Variants in OSBPL2 observed in about 807,000 individuals in gnomAD.
OSBPL2 encodes oxysterol binding protein like 2, also known as oxysterol-binding protein-related protein 2.
OSBPL2 carries 18 observed loss-of-function variants against 58.4 expected under a neutral mutation model. The ratio of observed to expected loss-of-function variants is 0.31; its 90% CI spans 0.21 to 0.46. OSBPL2 has a LOEUF of 0.46. Among genes scored for constraint, OSBPL2 ranks in the 20% least tolerant of loss-of-function variants. The pLI, the probability that OSBPL2 is intolerant of heterozygous loss-of-function variation, is 1.00. For missense variants in OSBPL2, 461 were observed against 616.5 expected (o/e 0.75, Z 2.67); for synonymous variants, 221 against 234.1 (o/e 0.94, Z 0.51).
chr20:62,281,228 A>G, intron 8 of OSBPL2, 63 bp downstream of exon 8: 3 of 1,203,874 alleles, frequency 2.5e-6, no homozygotes, highest in Non-Finnish European at 3.7e-6. Context: ...CGAGCCGGGG[A>G]GCGTGAGCAT....
chr20:62,292,606 A>T (rs1983591985), intron 13 of OSBPL2, among the ~76,000 whole-genome samples: 1 of 152,264 alleles, frequency 6.6e-6, no homozygotes, highest in African/African-American at 2.4e-5. Context: ...AGTATAATTT[A>T]AAAATGTATT....
chr20:62,252,536 C>T (rs1283245225), intron 1 of OSBPL2, among the ~76,000 whole-genome samples: 1 of 152,172 alleles, frequency 6.6e-6, no homozygotes, highest in Non-Finnish European at 1.5e-5. Context: ...CTGCAGAGGC[C>T]AGCTCTGCTG....
intron 1 of OSBPL2, among the ~76,000 whole-genome samples, chr20:62,242,038 T>G (rs968610329): frequency 6.6e-6 from 1 of 152,222 alleles, no homozygotes; most frequent in Non-Finnish European, 1.5e-5. Context: ...AAGTCCTGAG[T>G]TAATATGGTG....
At chr20:62,277,062 G>A (rs148048454) in intron 6 of OSBPL2, among the ~76,000 whole-genome samples, 240 of 152,210 alleles carry the variant, frequency 1.6e-3, no homozygotes, top group African/African-American at 5.5e-3. Context: ...TAGCCTGGCC[G>A]ACATGGTGAA....
chr20:62,255,995 A>G (rs1212033925), intron 1 of OSBPL2, 62 bp from the exon 2 acceptor site: 2 of 555,244 alleles, frequency 3.6e-6, no homozygotes, highest in Admixed American at 3.7e-5. Flanking sequence ...GGGTATTTTT[A>G]AAATGTTTTT....
chr20:62,281,822 C>G lies in OSBPL2; in HGVS notation c.815C>G (p.Pro272Arg). Residue 272 changes from proline to arginine, a missense_variant, in exon 9 of 14, where the codon CCG (proline) becomes CGG (arginine). Physicochemically the swap from Pro to Arg is moderately radical, Grantham distance 103. Around this residue, in one of 5 missense-constraint regions of OSBPL2, gnomAD observed 319 missense variants for 419.2 expected, o/e 0.76. Transcript: ENST00000313733. ...TGHKCVLHFK[P>R]CGLFGKELHK... ...CATAAGTGTGTGCTTCACTTTAAAC[C>G]GTGTGGATTATTTGGAAAAGAACTT... 6.2e-7 allele frequency: 1 copy of G among 1,612,164 alleles called. No homozygotes were observed. Among genetic ancestry groups the G allele is most frequent in the African/African-American group, 1.3e-5 (1 of 75,014 alleles).
chr20:62,280,893 G>A (rs1982736499), intron 7 of OSBPL2, among the ~76,000 whole-genome samples, 165 bp from the exon 8 acceptor site: 1 of 152,240 alleles, frequency 6.6e-6, no homozygotes, highest in South Asian at 2.1e-4. Context: ...CATTTCAAAC[G>A]CATGCTAAAT....
At chr20:62,270,189 C>T (rs1420363981) in intron 4 of OSBPL2, among the ~76,000 whole-genome samples, 7 of 152,204 alleles carry the variant, frequency 4.6e-5, no homozygotes, top group African/African-American at 1.7e-4. Flanking sequence ...CGTCCTAGTC[C>T]CTGGTGCAGA....
intron 2 of OSBPL2, among the ~76,000 whole-genome samples, chr20:62,257,695 T>C (rs1981019125): frequency 6.6e-6 from 1 of 151,790 alleles, no homozygotes; most frequent in Admixed American, 6.6e-5. Context: ...TGACTGATAC[T>C]TTCCCGAATA....
chr20:62,267,113 C>T (rs1006715856), intron 4 of OSBPL2, among the ~76,000 whole-genome samples: 2 of 152,206 alleles, frequency 1.3e-5, no homozygotes, highest in Admixed American at 6.5e-5. Flanking sequence ...GGCATGGTGG[C>T]GCATGCCTGG....
chr20:62,245,151 T>G (rs1980017186), intron 1 of OSBPL2, among the ~76,000 whole-genome samples: 1 of 151,654 alleles, frequency 6.6e-6, no homozygotes, highest in African/African-American at 2.4e-5. Flanking sequence ...CAGGCTGAAG[T>G]GCAGTGGCGC....
In OSBPL2 at chr20:62,289,287, C is replaced by T; in HGVS notation, c.1206C>T (p.Cys402=). 6.2e-7 allele frequency: 1 copy of T among 1,613,322 alleles called. No individual in the cohort carries two copies. ...GMEKTLPPTD[C]RLRPDIRGME... ...AGAAGACCCTGCCACCCACGGACTG[C>T]CGCCTGCGCCCTGACATCCGCGGCA... Residue 402 remains cysteine (C), a synonymous_variant, in exon 12 of 14, where the codon TGC becomes TGT. Transcript: ENST00000313733.
At chr20:62,285,743 T>TGTGTCGTCGCACTCAGACTCCATGAAGC in intron 10 of OSBPL2, 1 of 152,844 alleles carries the variant, frequency 6.5e-6, no homozygotes, top group East Asian at 1.9e-4. Flanking sequence ...CTCCATGAAG[T>TGTGTCGTCGCACTCAGACTCCATGAAGC]GCTGTTTCGC....
chr20:62,281,600 T>C, intron 8 of OSBPL2, 190 bp from the exon 9 acceptor site: 5 of 555,948 alleles, frequency 9.0e-6, no homozygotes, highest in Non-Finnish European at 1.3e-5. Flanking sequence ...TTTTAGTAAA[T>C]TGACCGAATC....
Position 62,282,975 on chromosome 20 carries a change from T to C in OSBPL2, c.873-1071T>C, listed in dbSNP as rs1982884690. 3.3e-5 allele frequency among the ~76,000 whole-genome samples: 5 copies of C among 152,204 alleles called. No individual in the cohort carries two copies. In the South Asian group the frequency reaches 1.0e-3, roughly 31 times the overall value. On this transcript the variant is annotated intron_variant, in intron 9 of 13. Coordinates refer to ENST00000313733, the MANE Select transcript of OSBPL2 (RefSeq NM_144498.4). ...ACATGTGAGGATCAACATGTGGACC[T>C]AGAAGGGACAGCAGTCTTACAACAG...
intron 4 of OSBPL2, among the ~76,000 whole-genome samples, chr20:62,271,309 C>T (rs763035078): frequency 4.6e-5 from 7 of 152,168 alleles, no homozygotes; most frequent in African/African-American, 7.2e-5. Flanking sequence ...TTTGCCAACT[C>T]GGAAGGCCTT....
rs184079968 is a variant in OSBPL2, at chr20:62,252,274, C to T, written c.-128-3783C>T. On this transcript the variant is annotated intron_variant, in intron 1 of 13. Transcript: ENST00000313733. Reference sequence around the variant, plus strand: ...GTAACATGTACGATAGGTTTTGACACGCATGTGCACCCGTGAAAACATCAC... The same window carrying T: ...GTAACATGTACGATAGGTTTTGACATGCATGTGCACCCGTGAAAACATCAC... Among the ~76,000 whole-genome samples, 8 of 152,170 alleles carry T rather than the reference C, an allele frequency of 5.3e-5. No homozygotes were observed. In the East Asian group the frequency reaches 1.2e-3, roughly 22 times the overall value.
In OSBPL2 at chr20:62,280,950, G is replaced by A. The variant is rs891349313; in HGVS notation, c.675-108G>A. 26 of 775,026 alleles carry A rather than the reference G, an allele frequency of 3.4e-5. No homozygotes were observed. The Admixed American group carries it at 3.8e-4, about 11-fold the overall frequency. 48.0% of individuals were successfully genotyped at this position (775,026 alleles called of 1,614,324 possible). A position where few individuals can be genotyped will look rare whatever the true frequency, so the allele number is the denominator to read the frequency against. On this transcript the variant is annotated intron_variant, in intron 7 of 13. Transcript: ENST00000313733. ...CTTCAAAGCAGCGTGCTGCTCTCCC[G>A]CGGGTGCCGGTTGCTGTGACCCAGC...
intron 2 of OSBPL2, 117 bp from the exon 3 acceptor site, chr20:62,259,864 T>C: frequency 2.3e-6 from 2 of 881,976 alleles, no homozygotes; most frequent in South Asian, 1.6e-5. Flanking sequence ...TCCAAATGTG[T>C]CCGTTCACAC....
Sources: allele counts gnomAD v4.1 joint callset (sites outside exome capture counted in the v4.1 genomes callset), GRCh38; gene constraint gnomAD v4.1.1; regional missense constraint gnomAD v4.1.1; transcripts MANE v1.5; gene names NCBI Gene and HGNC (gene_info 2026-07-23, HGNC 2026-07-21).